The following COX10 variants were observed in gnomAD, a reference collection of about 807,000 sequenced individuals.
COX10 encodes the protein protoheme IX farnesyltransferase, mitochondrial.
In COX10, 27 loss-of-function variants were observed where a neutral mutation model predicts 37.3. The observed-to-expected ratio is 0.72, with a 90% CI of 0.53 to 1.00. The LOEUF is 1.00. Ranked by LOEUF, COX10 falls within the 50% of genes least tolerant of loss-of-function variation. The pLI is 0.00. For synonymous variants in COX10, 222 were observed against 229.1 expected (o/e 0.97, Z 0.28); for missense variants, 475 against 563.2 (o/e 0.84, Z 1.59).
At chr17:14,079,337 T>A (rs1450639657) in intron 3 of COX10, among the ~76,000 whole-genome samples, 1 of 152,158 alleles carries the variant, frequency 6.6e-6, no homozygotes, top group Non-Finnish European at 1.5e-5. Context: ...GAATGAATAT[T>A]TACTCGGCAG....
intron 6 of COX10, among the ~76,000 whole-genome samples, chr17:14,200,402 T>C (rs1906511808): frequency 6.6e-6 from 1 of 152,228 alleles, no homozygotes; most frequent in Non-Finnish European, 1.5e-5. Flanking sequence ...CATAGCATTT[T>C]CAACGAGTCA....
intron 6 of COX10, among the ~76,000 whole-genome samples, chr17:14,199,596 C>T (rs1906466631): frequency 6.6e-6 from 1 of 152,168 alleles, no homozygotes; most frequent in Non-Finnish European, 1.5e-5. Context: ...CCAGCTCCCT[C>T]CCGCCCACTG....
chr17:14,120,713 A>G (rs1275496291), intron 4 of COX10, among the ~76,000 whole-genome samples: 1 of 152,224 alleles, frequency 6.6e-6, no homozygotes, highest in Middle Eastern at 3.2e-3. Flanking sequence ...AGTAGCCATG[A>G]GAAATCAAAT....
intron 5 of COX10, chr17:14,177,201 C>T (rs1486707795): frequency 1.8e-5 from 13 of 713,334 alleles, no homozygotes; most frequent in Non-Finnish European, 2.8e-5. Flanking sequence ...TGGTTGCCTC[C>T]GTCACTGTTC....
At chr17:14,170,157 A>G (rs1905418402) in intron 5 of COX10, among the ~76,000 whole-genome samples, 1 of 152,232 alleles carries the variant, frequency 6.6e-6, no homozygotes, top group South Asian at 2.1e-4. Context: ...AACTTTTTAA[A>G]TAAATTACCC....
chr17:14,084,359 A>G (rs540304347), intron 3 of COX10, among the ~76,000 whole-genome samples: 19 of 152,276 alleles, frequency 1.2e-4, no homozygotes, highest in African/African-American at 4.3e-4. Flanking sequence ...AGATAAGCAA[A>G]AAGAGAAGAT....
At chr17:14,139,585 G>A (rs1255161511) in intron 4 of COX10, among the ~76,000 whole-genome samples, 4 of 152,054 alleles carry the variant, frequency 2.6e-5, no homozygotes, top group African/African-American at 7.2e-5. Flanking sequence ...ATAAGTAAAC[G>A]GGATTTCTTG....
chr17:14,111,695 A>G (rs1916008093), intron 4 of COX10, among the ~76,000 whole-genome samples: 1 of 152,154 alleles, frequency 6.6e-6, no homozygotes, highest in African/African-American at 2.4e-5. Flanking sequence ...TTAAGATCTG[A>G]TATTGCTTTT....
intron 3 of COX10, among the ~76,000 whole-genome samples, chr17:14,095,469 A>G (rs1007201405): frequency 2.6e-5 from 4 of 152,238 alleles, no homozygotes; most frequent in Non-Finnish European, 4.4e-5. Context: ...CTCCACTCCA[A>G]TCAGTCCTCT....
At chr17:14,195,513 T>C (rs1906342093) in intron 6 of COX10, among the ~76,000 whole-genome samples, 1 of 152,238 alleles carries the variant, frequency 6.6e-6, no homozygotes. Context: ...ACAGCACAGA[T>C]GTAAAACATT....
intron 1 of COX10, among the ~76,000 whole-genome samples, chr17:14,070,883 G>A (rs1177678740): frequency 6.6e-6 from 1 of 152,216 alleles, no homozygotes; most frequent in African/African-American, 2.4e-5. Context: ...CAAAGGTCCT[G>A]TTTGGTTTGT....
intron 4 of COX10, among the ~76,000 whole-genome samples, chr17:14,122,409 C>G (rs1916249893): frequency 6.6e-6 from 1 of 152,156 alleles, no homozygotes. Flanking sequence ...CATCTGTAAT[C>G]TTACCAGATC....
intron 5 of COX10, chr17:14,182,328 C>A (rs1241646444): frequency 2.8e-5 from 25 of 899,658 alleles, no homozygotes; most frequent in Non-Finnish European, 3.1e-5. Context: ...GTATGTGAAA[C>A]CACAGTCTCC....
intron 4 of COX10, among the ~76,000 whole-genome samples, chr17:14,128,529 A>G (rs1207840181): frequency 6.6e-6 from 1 of 152,200 alleles, no homozygotes; most frequent in African/African-American, 2.4e-5. Flanking sequence ...AACAATTAAC[A>G]TTTAGTAGCT....
chr17:14,102,388 C>A, intron 4 of COX10, 146 bp downstream of exon 4: 1 of 1,249,898 alleles, frequency 8.0e-7, no homozygotes, highest in Non-Finnish European at 1.1e-6. Context: ...CTGTGGGTTT[C>A]ATAACCAATT....
chr17:14,076,154 C>T (rs1325987764), intron 2 of COX10, among the ~76,000 whole-genome samples: 16 of 109,984 alleles, frequency 1.5e-4, no homozygotes, highest in African/African-American at 5.5e-4. Context: ...CTCACTGTGT[C>T]GTTCAGGCTG....
At chr17:14,134,367 T>C (rs982839787) in intron 4 of COX10, among the ~76,000 whole-genome samples, 3 of 151,772 alleles carry the variant, frequency 2.0e-5, no homozygotes, top group African/African-American at 7.2e-5. Flanking sequence ...TTTTCAATCA[T>C]CAAGAAATCC....
At chr17:14,130,048 A>C (rs1439984848) in intron 4 of COX10, among the ~76,000 whole-genome samples, 1 of 152,200 alleles carries the variant, frequency 6.6e-6, no homozygotes, top group Non-Finnish European at 1.5e-5. Flanking sequence ...AAGGTGCTGA[A>C]GCCACCCAGT....
intron 4 of COX10, among the ~76,000 whole-genome samples, chr17:14,147,531 TG>T (rs1250208505): frequency 6.6e-6 from 1 of 152,036 alleles, no homozygotes; most frequent in African/African-American, 2.4e-5. Context: ...GGATGGTTAA[TG>T]GTACAAAAAA....
Sources: gnomAD v4.1 joint callset for allele counts (sites outside exome capture counted in the v4.1 genomes callset) on GRCh38, gnomAD v4.1.1 for gene constraint, MANE v1.5 for transcripts, NCBI Gene and HGNC (gene_info 2026-07-23, HGNC 2026-07-21) for gene names.